Variants in DCN observed in about 807,000 individuals in gnomAD.
The protein encoded by DCN is bone proteoglycan II.
Under a neutral mutation model 36.5 loss-of-function variants are expected in DCN, and 17 were observed. The observed-to-expected ratio is 0.47, with a 90% CI of 0.32 to 0.70. The LOEUF (loss-of-function observed/expected upper bound fraction) is 0.70. Ranked by LOEUF, DCN falls within the 30% of genes least tolerant of loss-of-function variation. The probability of loss-of-function intolerance (pLI) is 0.04; values close to 1 mark genes in which losing one functional copy is unlikely to be tolerated. For missense variants in DCN, 389 were observed against 430.1 expected (o/e 0.90, Z 0.84); for synonymous variants, 163 against 161.4 (o/e 1.01, Z -0.07).
intron 3 of DCN, 106 bp from the exon 4 acceptor site, chr12:91,158,615 T>TA (rs1253422384): frequency 1.5e-5 from 11 of 738,832 alleles, no homozygotes; most frequent in East Asian, 1.3e-4. Flanking sequence ...CAGAGAAATC[T>TA]AAAAAATTGC....
intron 7 of DCN, 61 bp from the exon 8 acceptor site, chr12:91,146,313 TA>T: frequency 1.1e-6 from 1 of 903,246 alleles, no homozygotes; most frequent in Non-Finnish European, 1.7e-6. Context: ...GCCCTTCAGG[TA>T]AACATTTTAT....
At chr12:91,162,823 C>T (rs148865089) in intron 3 of DCN, among the ~76,000 whole-genome samples, 347 of 152,252 alleles carry the variant, frequency 2.3e-3, no homozygotes, top group Non-Finnish European at 3.7e-3. Flanking sequence ...CAAGTAAATA[C>T]CATTCTTTTT....
At position 91,145,084 on chromosome 12, in the gene DCN, T is replaced by C. The variant is rs910123392; in HGVS notation, c.*974A>G. ...AATTGTTGATAGCACAAATGTACAA[T>C]TTGATAAATGTTTACTGTAAGTAAA... On this transcript the variant is annotated 3_prime_UTR_variant, in exon 8 of 8. Transcript: ENST00000052754. The C allele has an allele frequency of 2.0e-5, 3 of 152,218 alleles. No homozygotes were observed. Among genetic ancestry groups the C allele is most frequent in the African/African-American group, 7.2e-5 (3 of 41,466 alleles). 9.4% of individuals were successfully genotyped at this position (152,218 alleles called of 1,614,324 possible).
intron 3 of DCN, among the ~76,000 whole-genome samples, chr12:91,159,035 T>C (rs528794997): frequency 3.9e-5 from 6 of 152,032 alleles, no homozygotes; most frequent in South Asian, 2.1e-4. Flanking sequence ...AGATATATAA[T>C]ATATACATAA....
At chr12:91,169,378 C>CTAAA (rs71097880) in intron 2 of DCN, among the ~76,000 whole-genome samples, 2,711 of 73,338 alleles carry the variant, frequency 0.037, 475 homozygotes, top group African/African-American at 0.13. Context: ...GAGATCCTGT[C>CTAAA]AAAAAAAAAA....
At chr12:91,156,338 A>T (rs1881767524) in intron 5 of DCN, among the ~76,000 whole-genome samples, 1 of 152,162 alleles carries the variant, frequency 6.6e-6, no homozygotes, top group Non-Finnish European at 1.5e-5. Context: ...TGTTCAGAAC[A>T]TTTTTAATGC....
intron 5 of DCN, among the ~76,000 whole-genome samples, chr12:91,155,274 TTA>T (rs1422257448): frequency 3.3e-5 from 5 of 152,190 alleles, no homozygotes; most frequent in Middle Eastern, 3.2e-3. Flanking sequence ...GAAACAGGAA[TTA>T]TAACCCTACT....
rs1882935684 is a variant in DCN at position 91,171,215 on chromosome 12, TTAATTA to T, written c.212-6504_212-6499del. ...CTATGAAGTTAATTTGTAAATTAAT[TTAATTA>T]TAATTATTTAACATCTTAATGTAGT... On this transcript the variant is annotated intron_variant, in intron 2 of 7. Coordinates refer to ENST00000052754, the MANE Select transcript of DCN (RefSeq NM_001920.5). Among the ~76,000 whole-genome samples, 4 of 152,264 alleles carry T rather than the reference TTAATTA, an allele frequency of 2.6e-5. No individual in the cohort carries two copies. The East Asian group carries it at 7.7e-4, about 29-fold the overall frequency.
At chr12:91,155,811 C>T (rs1198705292) in intron 5 of DCN, among the ~76,000 whole-genome samples, 3 of 152,082 alleles carry the variant, frequency 2.0e-5, no homozygotes, top group Admixed American at 2.0e-4. Context: ...TCTATCTATG[C>T]CAGTAGTTGC....
At chr12:91,164,400 C>CAAAAA (rs5799980) in intron 3 of DCN, among the ~76,000 whole-genome samples, 18 of 78,902 alleles carry the variant, frequency 2.3e-4, no homozygotes, top group East Asian at 1.1e-3. Context: ...AAGCATAATT[C>CAAAAA]AAAAAAAAAA....
Position 91,144,992 on chromosome 12 carries a change from A to G in DCN, c.*1066T>C, listed in dbSNP as rs1880922678. 1 of 152,248 alleles carries G rather than the reference A, an allele frequency of 6.6e-6. No homozygotes were observed. Among genetic ancestry groups the G allele is most frequent in the African/African-American group, 2.4e-5 (1 of 41,474 alleles). The allele number at this position is 152,248 out of a possible 1,614,324, so 9.4% of individuals were successfully genotyped here. A position where few individuals can be genotyped will look rare whatever the true frequency, so the allele number is the denominator to read the frequency against. On this transcript the variant is annotated 3_prime_UTR_variant, in exon 8 of 8. Coordinates refer to ENST00000052754, the MANE Select transcript of DCN (RefSeq NM_001920.5). ...TTTCCCATATGAAACTATGATTTAT[A>G]GGGGTTTTAACCATCAAATATCTAA...
At chr12:91,153,441 T>A (rs527488412) in intron 5 of DCN, among the ~76,000 whole-genome samples, 4 of 152,048 alleles carry the variant, frequency 2.6e-5, no homozygotes, top group Non-Finnish European at 5.9e-5. Context: ...ATGTAGTCAA[T>A]TTTTGTTCTT....
At chr12:91,177,944 C>G (rs1342817041) in intron 2 of DCN, among the ~76,000 whole-genome samples, 2 of 152,048 alleles carry the variant, frequency 1.3e-5, no homozygotes, top group Non-Finnish European at 2.9e-5. Context: ...GAGAGACTGA[C>G]CTGATTTTCT....
At chr12:91,165,661 T>G (rs1882513943) in intron 2 of DCN, among the ~76,000 whole-genome samples, 1 of 152,130 alleles carries the variant, frequency 6.6e-6, no homozygotes, top group South Asian at 2.1e-4. Flanking sequence ...CAAGTAAAAA[T>G]TTGATATTCT....
chr12:91,140,532 C>T lies in DCN; in HGVS notation c.*5526G>A, dbSNP rs1390457794. ...TTTATTTATCTTAGAAACCACAGAACATTGCAAAAGGCCAAATTGGCCCTG... is the reference window on the plus strand; with the variant it reads ...TTTATTTATCTTAGAAACCACAGAATATTGCAAAAGGCCAAATTGGCCCTG... On this transcript the variant is annotated 3_prime_UTR_variant, in exon 8 of 8. Coordinates refer to ENST00000052754, the MANE Select transcript of DCN (RefSeq NM_001920.5). The T allele has an allele frequency of 6.6e-6, 1 of 152,146 alleles. No individual in the cohort carries two copies. Among genetic ancestry groups the T allele is most frequent in the Admixed American group, 6.5e-5 (1 of 15,268 alleles). The allele number at this position is 152,146 out of a possible 1,614,324, so 9.4% of individuals were successfully genotyped here.
chr12:91,173,379 G>C (rs1241936112), intron 2 of DCN, among the ~76,000 whole-genome samples: 1 of 152,104 alleles, frequency 6.6e-6, no homozygotes, highest in Non-Finnish European at 1.5e-5. Context: ...GGCTATGTTA[G>C]TTGTCATTCA....
intron 2 of DCN, chr12:91,176,068 T>C (rs1212631326): frequency 2.0e-5 from 3 of 152,132 alleles, no homozygotes; most frequent in Admixed American, 2.0e-4. Flanking sequence ...AGTTAGATAA[T>C]AGTTAAAAAC....
rs1880862248 is a variant in DCN at position 91,143,899 on chromosome 12, T to G, written c.*2159A>C. 1 of 150,682 alleles carries G rather than the reference T, an allele frequency of 6.6e-6. No individual in the cohort carries two copies. Among genetic ancestry groups the G allele is most frequent in the Non-Finnish European group, 1.5e-5 (1 of 67,774 alleles). 9.3% of individuals were successfully genotyped at this position (150,682 alleles called of 1,614,324 possible). Reference sequence around the variant, plus strand: ...ATATGTGTGTGTATATATATAAATATGGGGGGAAGTTGTGTTGACAAGAGT... The same window carrying G: ...ATATGTGTGTGTATATATATAAATAGGGGGGGAAGTTGTGTTGACAAGAGT... On this transcript the variant is annotated 3_prime_UTR_variant, in exon 8 of 8. Coordinates refer to ENST00000052754, the MANE Select transcript of DCN (RefSeq NM_001920.5).
intron 2 of DCN, chr12:91,175,045 A>C (rs1883206740): frequency 6.6e-6 from 1 of 152,120 alleles, no homozygotes; most frequent in African/African-American, 2.4e-5. Context: ...GAACGTTTTA[A>C]ATTTTTTTGA....
Sources: gnomAD v4.1 joint callset for allele counts (sites outside exome capture counted in the v4.1 genomes callset) on GRCh38, gnomAD v4.1.1 for gene constraint, MANE v1.5 for transcripts, NCBI Gene and HGNC (gene_info 2026-07-23, HGNC 2026-07-21) for gene names.